Variants in MYRIP observed in about 807,000 individuals in gnomAD.
MYRIP encodes myosin VIIA and Rab interacting protein.
In MYRIP, 49 loss-of-function variants were observed where a neutral mutation model predicts 98.0. The observed-to-expected ratio is 0.50, with a 90% CI of 0.40 to 0.63. The LOEUF (loss-of-function observed/expected upper bound fraction) is 0.63. MYRIP is among the 30% of genes least tolerant of loss of function. The probability of loss-of-function intolerance (pLI) is 0.00; values close to 1 mark genes in which losing one functional copy is unlikely to be tolerated. For synonymous variants in MYRIP, 404 were observed against 409.5 expected, an observed-to-expected ratio of 0.99 and a Z score of 0.16; for missense variants, 1,004 against 1,058.2, an observed-to-expected ratio of 0.95 and a Z score of 0.71.
chr3:40,138,535 A>AT (rs1401291800), intron 3 of MYRIP, among the ~76,000 whole-genome samples: 4 of 152,240 alleles, frequency 2.6e-5, no homozygotes, highest in African/African-American at 7.2e-5. Flanking sequence ...AAATGTTTAA[A>AT]GTTTTTAATA....
chr3:40,113,701 T>G (rs949482091), intron 3 of MYRIP, among the ~76,000 whole-genome samples: 30 of 152,074 alleles, frequency 2.0e-4, no homozygotes, highest in African/African-American at 6.8e-4. Context: ...TGTTTTTTTG[T>G]TTTTTTGAGA....
intron 3 of MYRIP, among the ~76,000 whole-genome samples, chr3:40,085,017 AATATATATCTATGTGTTATATATCGATAG>A (rs1948593462): frequency 2.0e-5 from 3 of 151,176 alleles, no homozygotes; most frequent in Non-Finnish European, 4.4e-5. Context: ...ATCGATAGAT[AATATATATCTATGTGTTATATATCGATAG>A]ATATATATCT....
chr3:39,864,410 C>T (rs1942562100), intron 1 of MYRIP, among the ~76,000 whole-genome samples: 1 of 152,116 alleles, frequency 6.6e-6, no homozygotes, highest in South Asian at 2.1e-4. Context: ...ATAGTCTCTG[C>T]CCAAAAGCTC....
At chr3:39,965,293 G>A (rs1291372558) in intron 2 of MYRIP, among the ~76,000 whole-genome samples, 2 of 151,886 alleles carry the variant, frequency 1.3e-5, no homozygotes, top group Non-Finnish European at 2.9e-5. Flanking sequence ...CCATTTTCTG[G>A]TAGCCATGTA....
chr3:40,180,216 G>A (rs1477746693), intron 8 of MYRIP, among the ~76,000 whole-genome samples: 1 of 152,196 alleles, frequency 6.6e-6, no homozygotes, highest in African/African-American at 2.4e-5. Context: ...TGTAAGTGTA[G>A]ATGACAGTGG....
chr3:39,825,228 T>C (rs1941228123), intron 1 of MYRIP, among the ~76,000 whole-genome samples: 1 of 152,232 alleles, frequency 6.6e-6, no homozygotes, highest in Admixed American at 6.5e-5. Context: ...TCCAGTACTA[T>C]GTTGAATAAA....
At chr3:40,006,252 A>G (rs904067849) in intron 2 of MYRIP, among the ~76,000 whole-genome samples, 2 of 152,170 alleles carry the variant, frequency 1.3e-5, no homozygotes, top group Non-Finnish European at 2.9e-5. Context: ...TTCTTGCCGT[A>G]GTTTAGAGAA....
chr3:40,110,231 G>C (rs140058217), intron 3 of MYRIP, among the ~76,000 whole-genome samples: 69 of 152,296 alleles, frequency 4.5e-4, no homozygotes, highest in African/African-American at 1.6e-3. Context: ...TTTATCTGTG[G>C]CTGTGTCCTT....
intron 2 of MYRIP, among the ~76,000 whole-genome samples, chr3:39,931,223 G>A (rs1329185376): frequency 6.6e-6 from 1 of 151,740 alleles, no homozygotes; most frequent in African/African-American, 2.4e-5. Flanking sequence ...AATGATGTTT[G>A]TAGTTTTCCA....
intron 1 of MYRIP, among the ~76,000 whole-genome samples, chr3:39,897,076 A>G (rs1463984398): frequency 1.3e-5 from 2 of 152,200 alleles, no homozygotes; most frequent in Non-Finnish European, 1.5e-5. Flanking sequence ...AGCTAAATCA[A>G]TTCAGTAATT....
chr3:40,021,470 T>G (rs1281151133), intron 2 of MYRIP, among the ~76,000 whole-genome samples: 1 of 152,210 alleles, frequency 6.6e-6, no homozygotes, highest in Admixed American at 6.5e-5. Flanking sequence ...TGTGTGATGA[T>G]CTGAGCTGTA....
chr3:39,826,029 C>G lies in MYRIP; in HGVS notation c.-31+16113C>G, dbSNP rs11919235. Among the ~76,000 whole-genome samples the G allele has an allele frequency of 6.2e-3, 941 of 151,906 alleles. 12 individuals carry two copies. The highest frequency in any genetic ancestry group is 0.021 in the African/African-American group (891 of 41,498). ...ATTTTGGTGATATCCATTGTGACATCTTTTTTGTTTCTGATTTTATTTATT... is the reference window on the plus strand; with the variant it reads ...ATTTTGGTGATATCCATTGTGACATGTTTTTTGTTTCTGATTTTATTTATT... On this transcript the variant is annotated intron_variant, in intron 1 of 16. Transcript: ENST00000302541.
intron 3 of MYRIP, among the ~76,000 whole-genome samples, chr3:40,060,596 T>TGAGAGAGAGA (rs35495297): frequency 0.013 from 1,859 of 138,856 alleles, 37 homozygotes; most frequent in African/African-American, 0.038. Flanking sequence ...TTTCTTTTTT[T>TGAGAGAGAGA]GAGAGAGAGA....
At chr3:39,827,214 A>G (rs1262311491) in intron 1 of MYRIP, among the ~76,000 whole-genome samples, 1 of 152,134 alleles carries the variant, frequency 6.6e-6, no homozygotes, top group Admixed American at 6.6e-5. Context: ...CTGAACTCAA[A>G]TGATCCTCCC....
In MYRIP at chr3:39,834,824, A is replaced by G. The variant is rs145957645; in HGVS notation, c.-31+24908A>G. Among the ~76,000 whole-genome samples the G allele has an allele frequency of 6.5e-3, 986 of 152,220 alleles. 8 individuals carry two copies. The highest frequency in any genetic ancestry group is 0.013 in the Admixed American group (196 of 15,278). On this transcript the variant is annotated intron_variant, in intron 1 of 16. Coordinates refer to ENST00000302541, the MANE Select transcript of MYRIP (RefSeq NM_015460.4). ...CATTCCAAGATAAATGTACTATACA[A>G]TCACATTTCTACCCAAATATTTGAA...
intron 11 of MYRIP, among the ~76,000 whole-genome samples, chr3:40,218,629 TATA>T (rs1559460594): frequency 0.19 from 4,191 of 22,606 alleles, 346 homozygotes; most frequent in South Asian, 0.29. Flanking sequence ...TATATATATA[TATA>T]TATATATATA....
chr3:39,975,269 C>T (rs1945717202), intron 2 of MYRIP, among the ~76,000 whole-genome samples: 4 of 151,970 alleles, frequency 2.6e-5, no homozygotes, highest in African/African-American at 7.3e-5. Flanking sequence ...AAACAGAGAG[C>T]CAAATCATGA....
chr3:39,951,650 CTTTT>C (rs913219250), intron 2 of MYRIP, among the ~76,000 whole-genome samples: 8 of 151,938 alleles, frequency 5.3e-5, no homozygotes, highest in African/African-American at 1.9e-4. Context: ...AAATATTATT[CTTTT>C]GTTTTTTTTC....
In MYRIP at chr3:39,903,886, T is replaced by A. The variant is rs142490887; in HGVS notation, c.110+2960T>A. Among the ~76,000 whole-genome samples, 1,351 of 152,302 alleles carry A rather than the reference T, an allele frequency of 8.9e-3. 15 individuals are homozygous for A. The highest frequency in any genetic ancestry group is 0.031 in the African/African-American group (1,281 of 41,556). ...ACTCTCCCTCCCTCCTTAAAATAAT[T>A]CCTTAGTATCATCTAATGTCCAGTA... On this transcript the variant is annotated intron_variant, in intron 2 of 16. Transcript: ENST00000302541.
Sources: allele counts gnomAD v4.1 joint callset (sites outside exome capture counted in the v4.1 genomes callset), GRCh38; gene constraint gnomAD v4.1.1; transcripts MANE v1.5; gene names NCBI Gene and HGNC (gene_info 2026-07-23, HGNC 2026-07-21).